ITGBL1: variants seen among roughly 807,000 people sequenced by gnomAD.
The protein encoded by ITGBL1 is integrin beta-like protein 1.
ITGBL1 carries 51 observed loss-of-function variants against 68.5 expected under a neutral mutation model. The observed-to-expected ratio is 0.74, with a 90% CI of 0.59 to 0.94. The LOEUF is 0.94. ITGBL1 is among the 40% of genes least tolerant of loss of function. ITGBL1 has a pLI of 0.00. For missense variants in ITGBL1, 649 were observed against 647.4 expected, an observed-to-expected ratio of 1.00 and a Z score of -0.03; for synonymous variants, 209 against 227.3, an observed-to-expected ratio of 0.92 and a Z score of 0.72.
At chr13:101,534,873 G>A (rs1172921671) in intron 2 of ITGBL1, among the ~76,000 whole-genome samples, 1 of 152,062 alleles carries the variant, frequency 6.6e-6, no homozygotes. Context: ...CAGGTGGAGA[G>A]GAGAGATTGT....
chr13:101,631,206 C>T (rs866397009), intron 7 of ITGBL1, among the ~76,000 whole-genome samples: 1 of 152,114 alleles, frequency 6.6e-6, no homozygotes, highest in African/African-American at 2.4e-5. Context: ...CATATTTGAT[C>T]GCAAATGGTT....
intron 2 of ITGBL1, among the ~76,000 whole-genome samples, chr13:101,537,355 C>T (rs2139175238): frequency 6.6e-6 from 1 of 151,940 alleles, no homozygotes; most frequent in East Asian, 1.9e-4. Flanking sequence ...TACATATTTC[C>T]AGTAACAAAT....
In ITGBL1 at chr13:101,575,454, A is replaced by G; in HGVS notation, c.494A>G (p.Asp165Gly). The change falls in exon 4 of 11, where the codon GAT (aspartate) becomes GGT (glycine). Residue 165 changes from aspartate to glycine, a missense_variant. By Grantham distance (94) the Asp-to-Gly change is moderately conservative. Transcript: ENST00000376180. The part of the protein sequence containing the change: ...GTCHCGRCKC[D>G]NSDGSGLVYG... Reference sequence around the variant, plus strand: ...TGTCACTGTGGCAGGTGTAAGTGTGATAATTCAGATGGAAGTGGACTTGTG... The same window carrying G: ...TGTCACTGTGGCAGGTGTAAGTGTGGTAATTCAGATGGAAGTGGACTTGTG... 6.2e-7 allele frequency: 1 copy of G among 1,613,172 alleles called. No homozygotes were observed. Among genetic ancestry groups the G allele is most frequent in the Non-Finnish European group, 8.5e-7 (1 of 1,179,288 alleles).
intron 7 of ITGBL1, among the ~76,000 whole-genome samples, chr13:101,684,329 G>A (rs930476828): frequency 1.3e-5 from 2 of 151,578 alleles, no homozygotes; most frequent in African/African-American, 2.4e-5. Flanking sequence ...AAGTATTTTC[G>A]TTATTGGTGC....
chr13:101,469,949 T>C (rs2048434858), intron 2 of ITGBL1, among the ~76,000 whole-genome samples: 1 of 152,200 alleles, frequency 6.6e-6, no homozygotes, highest in Non-Finnish European at 1.5e-5. Context: ...CTGTGTGATC[T>C]TGCACAAATC....
chr13:101,455,236 C>G (rs1253719942), intron 2 of ITGBL1, among the ~76,000 whole-genome samples: 1 of 152,138 alleles, frequency 6.6e-6, no homozygotes, highest in Admixed American at 6.5e-5. Flanking sequence ...TTCTCGGAAC[C>G]TGGGCCCAGT....
chr13:101,663,818 G>C (rs1403086040), intron 7 of ITGBL1, among the ~76,000 whole-genome samples: 1 of 151,696 alleles, frequency 6.6e-6, no homozygotes, highest in East Asian at 1.9e-4. Context: ...CTTGGATGAT[G>C]ATTGAAAAAA....
In ITGBL1 at chr13:101,612,146, T is replaced by C. The variant is rs535773060; in HGVS notation, c.1015+13847T>C. Among the ~76,000 whole-genome samples, 262 of 152,344 alleles carry C rather than the reference T, an allele frequency of 1.7e-3. 2 individuals carry two copies. The highest frequency in any genetic ancestry group is 6.1e-3 in the African/African-American group (254 of 41,584). ...AAAGGCAAGATTCTTTGGCTTCCTA[T>C]TTAAGTTTATAAATAATTTTGGCCT... On this transcript the variant is annotated intron_variant, in intron 7 of 10. Coordinates refer to ENST00000376180, the MANE Select transcript of ITGBL1 (RefSeq NM_004791.3).
At chr13:101,528,436 TC>T (rs1226574803) in intron 2 of ITGBL1, among the ~76,000 whole-genome samples, 1 of 151,966 alleles carries the variant, frequency 6.6e-6, no homozygotes, top group East Asian at 1.9e-4. Context: ...GCTTTTGGCC[TC>T]ATTGATTTTT....
At chr13:101,672,091 A>G (rs929369293) in intron 7 of ITGBL1, among the ~76,000 whole-genome samples, 2 of 152,232 alleles carry the variant, frequency 1.3e-5, no homozygotes, top group African/African-American at 4.8e-5. Context: ...TAATTCAGTC[A>G]CATTTGACAA....
intron 7 of ITGBL1, among the ~76,000 whole-genome samples, chr13:101,616,852 G>A (rs773804090): frequency 2.0e-5 from 3 of 152,208 alleles, no homozygotes; most frequent in Non-Finnish European, 4.4e-5. Context: ...AATCTGCATT[G>A]TAATGAGGGA....
At chr13:101,663,848 G>A (rs2033147278) in intron 7 of ITGBL1, among the ~76,000 whole-genome samples, 1 of 152,022 alleles carries the variant, frequency 6.6e-6, no homozygotes, top group Non-Finnish European at 1.5e-5. Context: ...AACCATGAAA[G>A]AACACCACAA....
chr13:101,579,573 C>A, intron 5 of ITGBL1, 146 bp downstream of exon 5: 3 of 839,028 alleles, frequency 3.6e-6, no homozygotes, highest in Admixed American at 3.0e-5. Context: ...TTTACTATCC[C>A]AACAATCTTT....
At chr13:101,693,712 A>G (rs1397372140) in intron 8 of ITGBL1, among the ~76,000 whole-genome samples, 1 of 152,012 alleles carries the variant, frequency 6.6e-6, no homozygotes, top group Admixed American at 6.6e-5. Flanking sequence ...AATCATCCAT[A>G]TGCCTGTTCT....
At chr13:101,688,686 A>G (rs566303276) in intron 7 of ITGBL1, among the ~76,000 whole-genome samples, 50 of 152,218 alleles carry the variant, frequency 3.3e-4, no homozygotes, top group Middle Eastern at 3.2e-3. Context: ...AGGTTTGTGA[A>G]TACAGATGAT....
rs893914253 is a variant in ITGBL1 at position 101,452,812 on chromosome 13, C to T, written c.-22C>T. On this transcript the variant is annotated 5_prime_UTR_variant, in exon 1 of 11. Coordinates refer to ENST00000376180, the MANE Select transcript of ITGBL1 (RefSeq NM_004791.3). The stretch of plus-strand genomic sequence containing the variant: ...CCACCTTGCAGAAGTGCAGCTCGCC[C>T]GGAGCAGCCCAGGAGCTCAGCATGC... 2.5e-6 allele frequency: 4 copies of T among 1,605,592 alleles called. No individual in the cohort carries two copies. The highest frequency in any genetic ancestry group is 2.2e-5 in the East Asian group (1 of 44,814).
chr13:101,596,079 A>T (rs1438135154), intron 6 of ITGBL1, among the ~76,000 whole-genome samples: 1 of 152,168 alleles, frequency 6.6e-6, no homozygotes, highest in Non-Finnish European at 1.5e-5. Flanking sequence ...CTATATATAC[A>T]CAAATACCCA....
chr13:101,643,151 G>A (rs935093334), intron 7 of ITGBL1, among the ~76,000 whole-genome samples: 2 of 151,754 alleles, frequency 1.3e-5, no homozygotes, highest in African/African-American at 2.4e-5. Flanking sequence ...AAATTACCTT[G>A]GGCAGTATGG....
At chr13:101,669,130 G>C (rs953016331) in intron 7 of ITGBL1, among the ~76,000 whole-genome samples, 1 of 151,766 alleles carries the variant, frequency 6.6e-6, no homozygotes, top group Non-Finnish European at 1.5e-5. Flanking sequence ...AAAAGTATAA[G>C]CATGGGAAAT....
Sources: gnomAD v4.1 joint callset for allele counts (sites outside exome capture counted in the v4.1 genomes callset) on GRCh38, gnomAD v4.1.1 for gene constraint, MANE v1.5 for transcripts, NCBI Gene and HGNC (gene_info 2026-07-23, HGNC 2026-07-21) for gene names.